HK1: variants seen among roughly 807,000 people sequenced by gnomAD.
HK1 encodes hexokinase-1.
In HK1, 28 loss-of-function variants were observed where a neutral mutation model predicts 91.6. The observed-to-expected ratio is 0.31, with a 90% CI of 0.23 to 0.42. HK1 has a LOEUF of 0.42. Ranked by LOEUF, HK1 falls within the 10% of genes least tolerant of loss-of-function variation. HK1 has a pLI of 1.00. For synonymous variants in HK1, 430 were observed against 468.1 expected, an observed-to-expected ratio of 0.92 and a Z score of 1.05; for missense variants, 770 against 1,219.8, an observed-to-expected ratio of 0.63 and a Z score of 5.49.
chr10:69,373,216 C>G (rs1042432050), intron 7 of HK1, among the ~76,000 whole-genome samples: 8 of 152,190 alleles, frequency 5.3e-5, no homozygotes, highest in African/African-American at 1.9e-4. Context: ...TGCAAAGGCT[C>G]TCAGTGCCCA....
At chr10:69,343,758 G>T (rs905887869) in intron 1 of HK1, 69 bp from the exon 2 acceptor site, 6 of 1,213,196 alleles carry the variant, frequency 4.9e-6, no homozygotes, top group South Asian at 1.2e-5. Context: ...CTATCTCAGC[G>T]GGTGGGTGCC....
In HK1 at chr10:69,401,260, C is replaced by A; in HGVS notation, c.*125C>A. 1.0e-6 allele frequency: 1 copy of A among 986,068 alleles called. No homozygotes were observed. The highest frequency in any genetic ancestry group is 1.5e-6 in the Non-Finnish European group (1 of 648,156). The allele number at this position is 986,068 out of a possible 1,614,324, so 61.1% of individuals were successfully genotyped here. A position where few individuals can be genotyped will look rare whatever the true frequency, so the allele number is the denominator to read the frequency against. ...GGGCCTGCCGGCGCGGGGAGGAAAG[C>A]AAAATCCAACTAATGGTATATATTG... is the stretch of plus-strand genomic sequence containing the variant. On this transcript the variant is annotated 3_prime_UTR_variant, in exon 18 of 18. Coordinates refer to ENST00000359426, the MANE Select transcript of HK1 (RefSeq NM_000188.3).
At chr10:69,330,677 C>G (rs773994748) in intron 1 of HK1, among the ~76,000 whole-genome samples, 10 of 152,214 alleles carry the variant, frequency 6.6e-5, no homozygotes, top group Middle Eastern at 6.8e-3. Flanking sequence ...AAGAAGGTGT[C>G]TACCTTATAC....
At chr10:69,396,889 T>C (rs1201264994) in intron 16 of HK1, among the ~76,000 whole-genome samples, 2 of 152,112 alleles carry the variant, frequency 1.3e-5, no homozygotes, top group Non-Finnish European at 2.9e-5. Flanking sequence ...TTCCCCATGT[T>C]GATCAGGGTG....
chr10:69,311,044 G>A (rs1272429923), upstream of HK1, among the ~76,000 whole-genome samples: 5 of 146,078 alleles, frequency 3.4e-5, no homozygotes, highest in East Asian at 2.1e-4. Context: ...GCAACAGAGT[G>A]AGACTCCGTC....
At chr10:69,283,945 A>G (rs12242964) in intron 2 of HK1, among the ~76,000 whole-genome samples, 1 of 152,144 alleles carries the variant, frequency 6.6e-6, no homozygotes, top group African/African-American at 2.4e-5. Context: ...TTTCCCAAGG[A>G]TACACAGTAA....
chr10:69,289,861 T>C (rs1327899236), intron 3 of HK1, among the ~76,000 whole-genome samples: 2 of 151,282 alleles, frequency 1.3e-5, no homozygotes, highest in South Asian at 4.2e-4. Flanking sequence ...CTTCAAGTGA[T>C]CCTCCCACCT....
At chr10:69,294,048 A>G (rs1195011927) in intron 3 of HK1, among the ~76,000 whole-genome samples, 2 of 151,598 alleles carry the variant, frequency 1.3e-5, no homozygotes, top group Non-Finnish European at 1.5e-5. Context: ...TTTTTAGTAG[A>G]GACGGGGTTT....
chr10:69,392,273 G>A lies in HK1; in HGVS notation c.2184G>A (p.Leu728=). 1 of 1,614,230 alleles carries A rather than the reference G, an allele frequency of 6.2e-7. No homozygotes were observed. The highest frequency in any genetic ancestry group is 8.5e-7 in the Non-Finnish European group (1 of 1,180,044). Residue 728 remains leucine, a synonymous_variant, in exon 15 of 18, where the codon CTG becomes CTA. Transcript: ENST00000359426. ...LDDIRTHYDR[L]VDEYSLNAGK... ...ATATCAGGACACACTACGACAGACT[G>A]GTGGACGAATATTCCCTAAATGCTG... is the stretch of plus-strand genomic sequence containing the variant.
At chr10:69,294,626 C>T (rs995799304) in intron 3 of HK1, among the ~76,000 whole-genome samples, 1 of 152,138 alleles carries the variant, frequency 6.6e-6, no homozygotes, top group Non-Finnish European at 1.5e-5. Context: ...GAAGCTGAGG[C>T]AGGCAGATCA....
intron 2 of HK1, among the ~76,000 whole-genome samples, chr10:69,347,720 C>T (rs1848640489): frequency 6.6e-6 from 1 of 152,242 alleles, no homozygotes; most frequent in Middle Eastern, 3.4e-3. Flanking sequence ...AGGTGTGAGC[C>T]ACCACGCCCG....
rs1037199739 is a variant in HK1, at chr10:69,319,188, C to G, written c.63+178C>G. ...GATTCTACCGGCATTGTCAGTGTCT[C>G]TGTGTGTGTGCGTTTTTGGGAGGGG... On this transcript the variant is annotated intron_variant, in intron 1 of 17. Transcript: ENST00000359426. The G allele has an allele frequency of 3.0e-5, 23 of 768,724 alleles. No homozygotes were observed. In the Admixed American group the frequency reaches 3.3e-4, roughly 11 times the overall value. The allele number at this position is 768,724 out of a possible 1,614,324, so 47.6% of individuals were successfully genotyped here.
At chr10:69,319,381 G>T (rs1243740699) in intron 1 of HK1, among the ~76,000 whole-genome samples, 1 of 152,244 alleles carries the variant, frequency 6.6e-6, no homozygotes, top group Non-Finnish European at 1.5e-5. Context: ...TGTGATCATG[G>T]AGATGCTGGG....
At chr10:69,368,209 T>A (rs568238498) in intron 4 of HK1, among the ~76,000 whole-genome samples, 2 of 152,354 alleles carry the variant, frequency 1.3e-5, no homozygotes, top group East Asian at 3.9e-4. Context: ...CCTTTTAAAA[T>A]AGGTCTGGCT....
chr10:69,359,201 G>GAGT (rs1849294553), intron 2 of HK1, among the ~76,000 whole-genome samples: 1 of 152,200 alleles, frequency 6.6e-6, no homozygotes, highest in Non-Finnish European at 1.5e-5. Context: ...TAGAGACAGA[G>GAGT]AGTAGAATCG....
intron 2 of HK1, among the ~76,000 whole-genome samples, chr10:69,354,895 C>A (rs1032130873): frequency 1.2e-4 from 18 of 151,788 alleles, no homozygotes; most frequent in African/African-American, 4.4e-4. Context: ...TGGTGAAAAC[C>A]CATCTCTACT....
Position 69,379,946 on chromosome 10 carries a change from G to A in HK1, c.1116G>A (p.Gln372=). Residue 372 remains glutamine, a synonymous_variant, in exon 9 of 18, where the codon CAG becomes CAA. Coordinates refer to ENST00000359426, the MANE Select transcript of HK1 (RefSeq NM_000188.3). ...EPSDDDCVSV[Q]HVCTIVSFRS... ...CCGATGATGACTGTGTCTCAGTCCA[G>A]CACGTTTGCACCATTGTCTCATTTC... is the stretch of plus-strand genomic sequence containing the variant. 6.2e-7 allele frequency: 1 copy of A among 1,614,202 alleles called. No homozygotes were observed. Among genetic ancestry groups the A allele is most frequent in the Non-Finnish European group, 8.5e-7 (1 of 1,180,016 alleles).
intron 2 of HK1, among the ~76,000 whole-genome samples, chr10:69,349,915 A>G (rs1483762261): frequency 2.0e-5 from 3 of 152,222 alleles, no homozygotes; most frequent in African/African-American, 7.2e-5. Context: ...ATAACTGGGA[A>G]GTCTCGCTGT....
upstream of HK1, among the ~76,000 whole-genome samples, chr10:69,312,149 G>A (rs1170330053): frequency 2.0e-5 from 3 of 152,222 alleles, no homozygotes; most frequent in Admixed American, 6.5e-5. Flanking sequence ...GACAAAAGAC[G>A]ATTAAGAGAA....
Sources: gnomAD v4.1 joint callset for allele counts (sites outside exome capture counted in the v4.1 genomes callset) on GRCh38, gnomAD v4.1.1 for gene constraint, MANE v1.5 for transcripts, NCBI Gene and HGNC (gene_info 2026-07-23, HGNC 2026-07-21) for gene names.